GRID2: variants seen among roughly 807,000 people sequenced by gnomAD.
The protein encoded by GRID2 is glutamate receptor ionotropic, delta-2.
A neutral mutation model predicts 114.8 loss-of-function variants in GRID2; 33 were observed. The ratio of observed to expected loss-of-function variants is 0.29; its 90% CI spans 0.22 to 0.38. The LOEUF is 0.38. Among genes scored for constraint, GRID2 ranks in the 10% least tolerant of loss-of-function variants. The pLI is 1.00. For missense variants in GRID2, 1,184 were observed against 1,257.7 expected, an observed-to-expected ratio of 0.94 and a Z score of 0.89; for synonymous variants, 505 against 449.9, an observed-to-expected ratio of 1.12 and a Z score of -1.55.
At chr4:93,416,486 TAAAG>T (rs1767723625) in intron 9 of GRID2, among the ~76,000 whole-genome samples, 1 of 152,072 alleles carries the variant, frequency 6.6e-6, no homozygotes, top group Admixed American at 6.6e-5. Flanking sequence ...AGCAGAATTA[TAAAG>T]AATTTCCAGT....
intron 8 of GRID2, among the ~76,000 whole-genome samples, chr4:93,240,339 T>C (rs1448686578): frequency 6.6e-6 from 1 of 151,608 alleles, no homozygotes; most frequent in African/African-American, 2.4e-5. Flanking sequence ...GATATAATGA[T>C]ATATCCTCAT....
chr4:92,699,383 A>G (rs1279458505), intron 2 of GRID2, among the ~76,000 whole-genome samples: 1 of 152,198 alleles, frequency 6.6e-6, no homozygotes, highest in African/African-American at 2.4e-5. Context: ...AGATAGGCCT[A>G]TTAGTCTTGC....
chr4:93,162,661 C>G (rs1017256931), intron 4 of GRID2, among the ~76,000 whole-genome samples: 1 of 151,878 alleles, frequency 6.6e-6, no homozygotes, highest in Non-Finnish European at 1.5e-5. Context: ...TCATTTTTGT[C>G]TGTTACATAC....
At chr4:92,978,710 ATTATT>A (rs1455681184) in intron 2 of GRID2, among the ~76,000 whole-genome samples, 1 of 152,158 alleles carries the variant, frequency 6.6e-6, no homozygotes, top group Non-Finnish European at 1.5e-5. Context: ...CTAGTAAAAT[ATTATT>A]TTGTTTCTTT....
chr4:93,176,739 T>G (rs2149429770), intron 4 of GRID2, among the ~76,000 whole-genome samples: 1 of 152,336 alleles, frequency 6.6e-6, no homozygotes, highest in South Asian at 2.1e-4. Context: ...TAAATTATTT[T>G]TTGTAGACTC....
intron 8 of GRID2, among the ~76,000 whole-genome samples, chr4:93,346,778 A>G (rs1010554200): frequency 6.6e-6 from 1 of 152,232 alleles, no homozygotes; most frequent in Non-Finnish European, 1.5e-5. Flanking sequence ...TTAGTATAAT[A>G]TCAATGTCAG....
At chr4:92,953,964 T>C (rs1262836197) in intron 2 of GRID2, among the ~76,000 whole-genome samples, 1 of 152,068 alleles carries the variant, frequency 6.6e-6, no homozygotes, top group Non-Finnish European at 1.5e-5. Context: ...TCCCAAAATA[T>C]TTACTAAATA....
chr4:92,378,102 A>T lies in GRID2; in HGVS notation c.88+73358A>T, dbSNP rs930742902. 3.9e-5 allele frequency among the ~76,000 whole-genome samples: 6 copies of T among 152,066 alleles called. No individual in the cohort carries two copies. The East Asian group carries it at 5.8e-4, about 15-fold the overall frequency. ...AGAGGCTGTAGAGATCATTAAAAAA[A>T]AAACTTAGATATTAGAAAAATGATG... is the stretch of plus-strand genomic sequence containing the variant. On this transcript the variant is annotated intron_variant, in intron 1 of 15. Coordinates refer to ENST00000282020, the MANE Select transcript of GRID2 (RefSeq NM_001510.4).
intron 1 of GRID2, among the ~76,000 whole-genome samples, chr4:92,457,780 C>CA (rs1721289881): frequency 6.6e-6 from 1 of 152,072 alleles, no homozygotes; most frequent in South Asian, 2.1e-4. Context: ...AAGCAGAGAA[C>CA]AAAGAGAAAG....
intron 13 of GRID2, among the ~76,000 whole-genome samples, chr4:93,621,478 A>G (rs1333379173): frequency 3.3e-5 from 5 of 152,160 alleles, no homozygotes; most frequent in Non-Finnish European, 7.3e-5. Context: ...CTGGTGTGGA[A>G]TCCATTAGTA....
chr4:93,661,554 ATCCAC>A (rs1391486345), intron 14 of GRID2, among the ~76,000 whole-genome samples: 1 of 152,196 alleles, frequency 6.6e-6, no homozygotes, highest in African/African-American at 2.4e-5. Flanking sequence ...ATGTTTGTGC[ATCCAC>A]AATATATATT....
chr4:93,019,933 G>T (rs991377078), intron 2 of GRID2, among the ~76,000 whole-genome samples: 1 of 152,078 alleles, frequency 6.6e-6, no homozygotes, highest in African/African-American at 2.4e-5. Flanking sequence ...AATAGTAAAT[G>T]ATAGCATAGA....
At chr4:92,439,101 G>A (rs549360615) in intron 1 of GRID2, among the ~76,000 whole-genome samples, 1 of 151,958 alleles carries the variant, frequency 6.6e-6, no homozygotes, top group South Asian at 2.1e-4. Context: ...ATTTGGGTAG[G>A]TAAAGGAAAA....
At chr4:92,485,952 T>C (rs73837309) in intron 1 of GRID2, among the ~76,000 whole-genome samples, 2,653 of 152,040 alleles carry the variant, frequency 0.017, 84 homozygotes, top group African/African-American at 0.061. Flanking sequence ...AAACTAATCA[T>C]GTAAATATAC....
At chr4:93,753,555 C>T (rs780353682) in intron 14 of GRID2, among the ~76,000 whole-genome samples, 7 of 152,202 alleles carry the variant, frequency 4.6e-5, no homozygotes, top group Non-Finnish European at 8.8e-5. Context: ...CAAGTGTTTT[C>T]ATTGTTCAGT....
chr4:93,164,886 A>G (rs1308508912), intron 4 of GRID2: 1 of 263,636 alleles, frequency 3.8e-6, no homozygotes, highest in Non-Finnish European at 8.2e-6. Flanking sequence ...TTGACGTGTT[A>G]AGGAAAATAA....
At chr4:92,919,436 G>T (rs776060248) in intron 2 of GRID2, among the ~76,000 whole-genome samples, 22 of 152,156 alleles carry the variant, frequency 1.4e-4, no homozygotes, top group Non-Finnish European at 3.2e-4. Flanking sequence ...TCTTTTAATT[G>T]TGATGTTAGG....
intron 14 of GRID2, among the ~76,000 whole-genome samples, chr4:93,739,224 C>T (rs185715553): frequency 2.0e-5 from 3 of 152,138 alleles, no homozygotes; most frequent in African/African-American, 7.2e-5. Flanking sequence ...ACACTATTGT[C>T]ACTCTGTATG....
intron 14 of GRID2, among the ~76,000 whole-genome samples, chr4:93,702,914 G>A (rs1459345273): frequency 6.6e-6 from 1 of 151,966 alleles, no homozygotes; most frequent in African/African-American, 2.4e-5. Flanking sequence ...AATGAAGCAA[G>A]GAGAGGAATA....
Sources: allele counts gnomAD v4.1 joint callset (sites outside exome capture counted in the v4.1 genomes callset), GRCh38; gene constraint gnomAD v4.1.1; transcripts MANE v1.5; gene names NCBI Gene and HGNC (gene_info 2026-07-23, HGNC 2026-07-21).